CNGB3: variants seen among roughly 807,000 people sequenced by gnomAD.
The protein encoded by CNGB3 is cyclic nucleotide-gated channel beta-3.
In CNGB3, 86 loss-of-function variants were observed where a neutral mutation model predicts 92.8. The observed-to-expected ratio is 0.93, with a 90% CI of 0.78 to 1.11. The LOEUF (loss-of-function observed/expected upper bound fraction) is 1.11, where lower values mean the gene tolerates loss of function less well. CNGB3 is among the 50% of genes least tolerant of loss of function. The pLI, the probability that CNGB3 is intolerant of heterozygous loss-of-function variation, is 0.00. For synonymous variants in CNGB3, 333 were observed against 332.7 expected (o/e 1.00, Z -0.01); for missense variants, 1,026 against 956.8 (o/e 1.07, Z -0.95).
chr8:86,686,822 CT>C (rs1437881237), intron 3 of CNGB3, among the ~76,000 whole-genome samples: 1 of 151,952 alleles, frequency 6.6e-6, no homozygotes, highest in Non-Finnish European at 1.5e-5. Flanking sequence ...AGGTATATTG[CT>C]TTTATACTCA....
chr8:86,609,716 AT>A (rs1822482040), intron 14 of CNGB3, among the ~76,000 whole-genome samples: 1 of 152,108 alleles, frequency 6.6e-6, no homozygotes, highest in Non-Finnish European at 1.5e-5. Flanking sequence ...CTCATACTCC[AT>A]TTGACTTTGT....
intron 11 of CNGB3, among the ~76,000 whole-genome samples, chr8:86,630,839 A>G (rs1027481174): frequency 6.6e-6 from 1 of 152,116 alleles, no homozygotes; most frequent in African/African-American, 2.4e-5. Context: ...AAGCCACTAC[A>G]CCCTAGCCTG....
At chr8:86,674,905 C>T (rs1436863519) in intron 3 of CNGB3, among the ~76,000 whole-genome samples, 1 of 151,600 alleles carries the variant, frequency 6.6e-6, no homozygotes, top group Non-Finnish European at 1.5e-5. Context: ...AGGTGTGCAA[C>T]ACCACACCTG....
rs1434375147 is a variant in CNGB3 at position 86,658,994 on chromosome 8, C to T, written c.853-4932G>A. 7.6e-6 allele frequency: 8 copies of T among 1,055,166 alleles called. No individual in the cohort carries two copies. The Admixed American group carries it at 1.1e-4, about 14-fold the overall frequency. The allele number at this position is 1,055,166 out of a possible 1,614,324, so 65.4% of individuals were successfully genotyped here. On this transcript the variant is annotated intron_variant, in intron 6 of 17. Coordinates refer to ENST00000320005, the MANE Select transcript of CNGB3 (RefSeq NM_019098.5). ...GCACCTGGGCTTGGAGCTGTCCTGC[C>T]AGACCCTCCAGCTCCTTCCGCAGGT... is the stretch of plus-strand genomic sequence containing the variant.
intron 3 of CNGB3, among the ~76,000 whole-genome samples, chr8:86,674,611 TG>T (rs1324440440): frequency 6.6e-6 from 1 of 152,224 alleles, no homozygotes; most frequent in African/African-American, 2.4e-5. Context: ...AAAGAACCAA[TG>T]GTTTTGCCTT....
chr8:86,586,608 T>C (rs1364296180), intron 15 of CNGB3, among the ~76,000 whole-genome samples: 1 of 151,342 alleles, frequency 6.6e-6, no homozygotes, highest in Non-Finnish European at 1.5e-5. Context: ...GTTCTTGCGA[T>C]AGTTTACTGA....
At chr8:86,690,329 T>G (rs1824286273) in intron 3 of CNGB3, among the ~76,000 whole-genome samples, 1 of 152,212 alleles carries the variant, frequency 6.6e-6, no homozygotes, top group South Asian at 2.1e-4. Context: ...ATGAGCATTT[T>G]TTCATGTGTT....
At chr8:86,733,564 C>CCT (rs1825195537) in intron 2 of CNGB3, among the ~76,000 whole-genome samples, 1 of 152,174 alleles carries the variant, frequency 6.6e-6, no homozygotes, top group Non-Finnish European at 1.5e-5. Flanking sequence ...GTAGGAGGGT[C>CCT]TCTCTTCCCA....
intron 15 of CNGB3, among the ~76,000 whole-genome samples, chr8:86,596,663 A>AC (rs1396261252): frequency 1.3e-5 from 2 of 152,122 alleles, no homozygotes; most frequent in African/African-American, 4.8e-5. Context: ...GTCTAGCAGG[A>AC]CCCCTTGGTG....
chr8:86,700,566 T>C lies in CNGB3; in HGVS notation c.338+25965A>G, dbSNP rs532617897. Among the ~76,000 whole-genome samples the C allele has an allele frequency of 3.9e-5, 6 of 152,360 alleles. No individual in the cohort carries two copies. In the South Asian group the frequency reaches 8.3e-4, roughly 21 times the overall value. On this transcript the variant is annotated intron_variant, in intron 3 of 17. Coordinates refer to ENST00000320005, the MANE Select transcript of CNGB3 (RefSeq NM_019098.5). ...TTTTCTCCTCACATCTCCAATATCG[T>C]CAGGTTATGGTGTGAATCAAAACCA...
intron 7 of CNGB3, among the ~76,000 whole-genome samples, chr8:86,649,578 G>A (rs1823358830): frequency 1.3e-5 from 2 of 151,568 alleles, no homozygotes. Flanking sequence ...AATGGTGCTG[G>A]GAAAACTGGC....
At chr8:86,594,331 G>A (rs937634753) in intron 15 of CNGB3, 45 of 323,226 alleles carry the variant, frequency 1.4e-4, no homozygotes, top group African/African-American at 7.8e-4. Context: ...AGTCTGATTC[G>A]TCCACCAGCC....
At position 86,718,614 on chromosome 8, in the gene CNGB3, A is replaced by G. The variant is rs142461674; in HGVS notation, c.338+7917T>C. Among the ~76,000 whole-genome samples the G allele has an allele frequency of 6.5e-3, 985 of 152,248 alleles. 18 individuals are homozygous for G. Among genetic ancestry groups the G allele is most frequent in the Non-Finnish European group, 9.1e-3 (618 of 67,980 alleles). ...TCAAAGAAGAGTTGGTACCAATCCTATTGACACTATTCTACAGGACAGAGA... is the reference window on the plus strand; with the variant it reads ...TCAAAGAAGAGTTGGTACCAATCCTGTTGACACTATTCTACAGGACAGAGA... On this transcript the variant is annotated intron_variant, in intron 3 of 17. Transcript: ENST00000320005.
intron 3 of CNGB3, among the ~76,000 whole-genome samples, chr8:86,688,493 C>T (rs748111332): frequency 7.2e-5 from 11 of 151,952 alleles, no homozygotes; most frequent in African/African-American, 1.9e-4. Flanking sequence ...CCTTTCAAGA[C>T]GCCAAGTAGG....
chr8:86,669,773 GTTCTA>G (rs952769895), intron 4 of CNGB3, among the ~76,000 whole-genome samples: 1 of 151,802 alleles, frequency 6.6e-6, no homozygotes. Flanking sequence ...ACAAAGCTTT[GTTCTA>G]TTCTTTTCCT....
At chr8:86,637,319 T>C (rs1314258426) in intron 10 of CNGB3, among the ~76,000 whole-genome samples, 3 of 152,220 alleles carry the variant, frequency 2.0e-5, no homozygotes, top group Admixed American at 6.5e-5. Context: ...TTGGACCATA[T>C]GTGTGTTTTT....
chr8:86,711,378 G>A (rs901886778), intron 3 of CNGB3, among the ~76,000 whole-genome samples: 6 of 152,078 alleles, frequency 3.9e-5, no homozygotes, highest in African/African-American at 1.4e-4. Flanking sequence ...TCATCACATG[G>A]CTCTCCTCAC....
intron 3 of CNGB3, among the ~76,000 whole-genome samples, chr8:86,712,835 C>A (rs973246824): frequency 6.6e-6 from 1 of 150,704 alleles, no homozygotes; most frequent in Non-Finnish European, 1.5e-5. Context: ...AGGCAATTCT[C>A]CCTCTACAAA....
At chr8:86,695,995 G>C (rs552996565) in intron 3 of CNGB3, among the ~76,000 whole-genome samples, 1 of 152,232 alleles carries the variant, frequency 6.6e-6, no homozygotes, top group South Asian at 2.1e-4. Context: ...CCTGTGATTT[G>C]ATCTATCTTC....
Sources: gnomAD v4.1 joint callset for allele counts (sites outside exome capture counted in the v4.1 genomes callset) on GRCh38, gnomAD v4.1.1 for gene constraint, MANE v1.5 for transcripts, NCBI Gene and HGNC (gene_info 2026-07-23, HGNC 2026-07-21) for gene names.